WTIP: variants seen among roughly 807,000 people sequenced by gnomAD.
WTIP encodes the protein Wilms tumor protein 1-interacting protein.
In WTIP, 23 loss-of-function variants were observed where a neutral mutation model predicts 41.7. The ratio of observed to expected loss-of-function variants is 0.55; its 90% CI spans 0.40 to 0.78. The LOEUF (loss-of-function observed/expected upper bound fraction) is 0.78, where lower values mean the gene tolerates loss of function less well. Ranked by LOEUF, WTIP falls within the 30% of genes least tolerant of loss-of-function variation. WTIP has a pLI of 0.00. For missense variants in WTIP, 619 were observed against 610.5 expected, an observed-to-expected ratio of 1.01 and a Z score of -0.15; for synonymous variants, 314 against 269.9, an observed-to-expected ratio of 1.16 and a Z score of -1.60.
rs2075920169 is a variant in WTIP, at chr19:34,508,153, A to G, written c.*7884A>G. The G allele has an allele frequency of 6.6e-6, 1 of 152,030 alleles. No individual in the cohort carries two copies. Among genetic ancestry groups the G allele is most frequent in the Admixed American group, 6.6e-5 (1 of 15,264 alleles). 9.4% of individuals were successfully genotyped at this position (152,030 alleles called of 1,614,324 possible). ...CAGTGGCAGGATTTCAGCTCAGTAC[A>G]GCCTCGGCCTCCCGGGTTCAAGTGA... On this transcript the variant is annotated 3_prime_UTR_variant, in exon 8 of 8. Coordinates refer to ENST00000590071, the MANE Select transcript of WTIP (RefSeq NM_001080436.2).
chr19:34,482,429 C>T lies in WTIP; in HGVS notation c.455C>T (p.Ser152Leu). The change falls in exon 1 of 8, where the codon TCG (serine) becomes TTG (leucine). Residue 152 changes from serine to leucine, a missense_variant. Transcript: ENST00000590071. ...SSVSSLGSRG[S>L]AGAYADFLPP... ...GTTTCCAGCCTCGGCTCCCGGGGCT[C>T]GGCCGGCGCCTACGCTGACTTCCTC... The T allele has an allele frequency of 7.4e-7, 1 of 1,342,488 alleles. No homozygotes were observed. Among genetic ancestry groups the T allele is most frequent in the South Asian group, 1.7e-5 (1 of 60,192 alleles). The allele number at this position is 1,342,488 out of a possible 1,614,324, so 83.2% of individuals were successfully genotyped here.
intron 6 of WTIP, among the ~76,000 whole-genome samples, 199 bp from the exon 7 acceptor site, chr19:34,495,504 A>G (rs1350672761): frequency 6.6e-6 from 1 of 152,066 alleles, no homozygotes; most frequent in African/African-American, 2.4e-5. Flanking sequence ...ATCGTGGAGG[A>G]CGCCTAAGGC....
intron 1 of WTIP, 36 bp from the exon 2 acceptor site, chr19:34,490,340 G>A (rs369643139): frequency 1.6e-5 from 25 of 1,602,046 alleles, no homozygotes; most frequent in South Asian, 7.7e-5. Flanking sequence ...AGGCTGTGGC[G>A]CTAACCCCTG....
chr19:34,510,671 T>A lies in WTIP; in HGVS notation c.*10402T>A, dbSNP rs2075929858. On this transcript the variant is annotated 3_prime_UTR_variant, in exon 8 of 8. Coordinates refer to ENST00000590071, the MANE Select transcript of WTIP (RefSeq NM_001080436.2). ...TCAGGCTGCAAATTTTCCAATTTTTTATGCTCTGTTTCCCTTTTAAAATGG... is the reference window on the plus strand; with the variant it reads ...TCAGGCTGCAAATTTTCCAATTTTTAATGCTCTGTTTCCCTTTTAAAATGG... The A allele has an allele frequency of 6.6e-6, 1 of 152,256 alleles. No individual in the cohort carries two copies. The highest frequency in any genetic ancestry group is 1.5e-5 in the Non-Finnish European group (1 of 68,046). The allele number at this position is 152,256 out of a possible 1,614,324, so 9.4% of individuals were successfully genotyped here.
rs1208870999 is a variant in WTIP at position 34,506,920 on chromosome 19, TTAA to T, written c.*6656_*6658del. On this transcript the variant is annotated 3_prime_UTR_variant, in exon 8 of 8. Coordinates refer to ENST00000590071, the MANE Select transcript of WTIP (RefSeq NM_001080436.2). ...GCGGGAGAAACTTTGCTCTTTTCAT[TTAA>T]TAATTGTGTTCAGCCTGGCCGGGCG... The T allele has an allele frequency of 1.3e-5, 2 of 151,344 alleles. No homozygotes were observed. The highest frequency in any genetic ancestry group is 4.9e-5 in the African/African-American group (2 of 41,124). 9.4% of individuals were successfully genotyped at this position (151,344 alleles called of 1,614,324 possible). A position where few individuals can be genotyped will look rare whatever the true frequency, so the allele number is the denominator to read the frequency against.
chr19:34,490,605 G>C (rs1035113245), intron 2 of WTIP, 128 bp downstream of exon 2: 1 of 963,576 alleles, frequency 1.0e-6, no homozygotes, highest in Non-Finnish European at 1.6e-6. Flanking sequence ...GCTGGGCTGT[G>C]GAGGACTCTG....
chr19:34,485,663 C>T (rs1309470937), intron 1 of WTIP, among the ~76,000 whole-genome samples: 2 of 151,578 alleles, frequency 1.3e-5, no homozygotes, highest in East Asian at 1.9e-4. Flanking sequence ...GTGAGATCAG[C>T]GCTCATTGCA....
chr19:34,488,468 T>C (rs953876396), intron 1 of WTIP, among the ~76,000 whole-genome samples: 10 of 152,230 alleles, frequency 6.6e-5, no homozygotes, highest in African/African-American at 2.4e-4. Context: ...CAGGCTTAAG[T>C]GATCCTCCTG....
In WTIP at chr19:34,508,620, C is replaced by T. The variant is rs904154596; in HGVS notation, c.*8351C>T. The T allele has an allele frequency of 6.6e-6, 1 of 152,334 alleles. No individual in the cohort carries two copies. Among genetic ancestry groups the T allele is most frequent in the Non-Finnish European group, 1.5e-5 (1 of 68,118 alleles). The allele number at this position is 152,334 out of a possible 1,614,324, so 9.4% of individuals were successfully genotyped here. A position where few individuals can be genotyped will look rare whatever the true frequency, so the allele number is the denominator to read the frequency against. On this transcript the variant is annotated 3_prime_UTR_variant, in exon 8 of 8. Coordinates refer to ENST00000590071, the MANE Select transcript of WTIP (RefSeq NM_001080436.2). ...GCCGACTCCAACCCCTTAGCTGCTT[C>T]CTTGCCCTGTATGGAGCAGCTCAGC...
chr19:34,487,054 A>G (rs2075801363), intron 1 of WTIP, among the ~76,000 whole-genome samples: 1 of 147,074 alleles, frequency 6.8e-6, no homozygotes, highest in Non-Finnish European at 1.5e-5. Flanking sequence ...TCAGACTCCC[A>G]AAGTGCTGAG....
Position 34,500,462 on chromosome 19 carries a change from G to C in WTIP, c.*193G>C. The stretch of plus-strand genomic sequence containing the variant: ...GTGCCTGCTCAAGTCACTTCCCTGC[G>C]GGCCCTGCCTCCCACCCACCCCATC... On this transcript the variant is annotated 3_prime_UTR_variant, in exon 8 of 8. Coordinates refer to ENST00000590071, the MANE Select transcript of WTIP (RefSeq NM_001080436.2). 1.3e-6 allele frequency: 1 copy of C among 771,898 alleles called. No individual in the cohort carries two copies. Among genetic ancestry groups the C allele is most frequent in the Non-Finnish European group, 1.9e-6 (1 of 521,522 alleles). 47.8% of individuals were successfully genotyped at this position (771,898 alleles called of 1,614,324 possible). A position where few individuals can be genotyped will look rare whatever the true frequency, so the allele number is the denominator to read the frequency against.
chr19:34,482,236 A>C lies in WTIP; in HGVS notation c.262A>C (p.Ser88Arg). The C allele has an allele frequency of 8.5e-7, 1 of 1,182,254 alleles. No individual in the cohort carries two copies. The highest frequency in any genetic ancestry group is 1.0e-6 in the Non-Finnish European group (1 of 959,538). The allele number at this position is 1,182,254 out of a possible 1,614,324, so 73.2% of individuals were successfully genotyped here. ...GGAGCTCAGCGCGCAGCCTGCGGGCAGCCCACGGGCCAGCCTGGCGGGGTC... is the reference window on the plus strand; with the variant it reads ...GGAGCTCAGCGCGCAGCCTGCGGGCCGCCCACGGGCCAGCCTGGCGGGGTC... ...VPELSAQPAG[S>R]PRASLAGSDG... The change falls in exon 1 of 8, where the codon AGC becomes CGC. Residue 88 changes from serine to arginine, a missense_variant. By Grantham distance (110) the Ser-to-Arg change is moderately radical. Transcript: ENST00000590071.
intron 1 of WTIP, among the ~76,000 whole-genome samples, chr19:34,483,612 G>A (rs888358623): frequency 7.9e-5 from 12 of 152,314 alleles, no homozygotes; most frequent in African/African-American, 2.9e-4. Flanking sequence ...GTGGACATAG[G>A]ATGTTTCCTA....
intron 1 of WTIP, among the ~76,000 whole-genome samples, chr19:34,488,354 G>C (rs977492083): frequency 6.6e-6 from 1 of 150,456 alleles, no homozygotes; most frequent in Non-Finnish European, 1.5e-5. Context: ...GATTACAGGC[G>C]TGAGCCATTG....
In WTIP at chr19:34,482,703, G is replaced by C. The variant is rs957254057; in HGVS notation, c.667+62G>C. 42 of 1,214,630 alleles carry C rather than the reference G, an allele frequency of 3.5e-5. No individual in the cohort carries two copies. In the South Asian group the frequency reaches 1.6e-3, roughly 46 times the overall value. The allele number at this position is 1,214,630 out of a possible 1,614,324, so 75.2% of individuals were successfully genotyped here. The stretch of plus-strand genomic sequence containing the variant: ...GGCTGGGGTCCGGGGTTCCGAGACT[G>C]CCTCGGGTAGGCGGCCGGATCAGCG... On this transcript the variant is annotated intron_variant, in intron 1 of 7. Transcript: ENST00000590071.
intron 7 of WTIP, among the ~76,000 whole-genome samples, chr19:34,498,917 A>G (rs977017473): frequency 7.2e-6 from 1 of 139,010 alleles, no homozygotes; most frequent in African/African-American, 2.7e-5. Flanking sequence ...AAAAAACCCC[A>G]TCACGTTTGG....
In WTIP at chr19:34,482,141, G is replaced by T; in HGVS notation, c.167G>T (p.Ser56Ile). The change falls in exon 1 of 8, where the codon AGC (serine) becomes ATC (isoleucine). Residue 56 changes from serine (S) to isoleucine (I), a missense_variant. Coordinates refer to ENST00000590071, the MANE Select transcript of WTIP (RefSeq NM_001080436.2). ...GCGCTGGGCCGCAGAGGGAAGGGCA[G>T]CGGCGGCCCCGAGGCCGGGGCGGAC... ...APALGRRGKG[S>I]GGPEAGADGL... 9.4e-7 allele frequency: 1 copy of T among 1,059,878 alleles called. No homozygotes were observed. The highest frequency in any genetic ancestry group is 1.1e-6 in the Non-Finnish European group (1 of 879,928). The allele number at this position is 1,059,878 out of a possible 1,614,324, so 65.7% of individuals were successfully genotyped here.
Position 34,482,609 on chromosome 19 carries a change from C to T in WTIP, c.635C>T (p.Ala212Val). The T allele has an allele frequency of 8.1e-7, 1 of 1,229,742 alleles. No homozygotes were observed. The highest frequency in any genetic ancestry group is 1.0e-6 in the Non-Finnish European group (1 of 986,848). 76.2% of individuals were successfully genotyped at this position (1,229,742 alleles called of 1,614,324 possible). Residue 212 changes from alanine to valine, a missense_variant, in exon 1 of 8, where the codon GCG becomes GTG. By Grantham distance (64) the Ala-to-Val change is moderately conservative (BLOSUM62 0). This residue lies in a region of WTIP where 363 missense variants were observed against 309.0 expected (regional missense o/e 1.17). Transcript: ENST00000590071. ...LEALTRELER[A>V]LEARTARDYF... ...GCGCTCACCCGGGAGCTGGAGCGGGCGCTCGAGGCGCGCACGGCGCGGGAC... is the reference window on the plus strand; with the variant it reads ...GCGCTCACCCGGGAGCTGGAGCGGGTGCTCGAGGCGCGCACGGCGCGGGAC...
rs975047101 is a variant in WTIP, at chr19:34,500,023, C to T, written c.1153-106C>T. The T allele has an allele frequency of 4.2e-5, 62 of 1,463,702 alleles. No individual in the cohort carries two copies. In the Middle Eastern group the frequency reaches 6.4e-4, roughly 15 times the overall value. The allele number at this position is 1,463,702 out of a possible 1,614,324, so 90.7% of individuals were successfully genotyped here. On this transcript the variant is annotated intron_variant, in intron 7 of 7. Coordinates refer to ENST00000590071, the MANE Select transcript of WTIP (RefSeq NM_001080436.2). ...GCGGAAGAGTCTTCATGTTGTTTTG[C>T]GGCACCCTGCAGATCTGCCCCTCCC...
Sources: allele counts gnomAD v4.1 joint callset (sites outside exome capture counted in the v4.1 genomes callset), GRCh38; gene constraint gnomAD v4.1.1; regional missense constraint gnomAD v4.1.1; transcripts MANE v1.5; gene names NCBI Gene and HGNC (gene_info 2026-07-23, HGNC 2026-07-21).